The following RAB6A variants were observed in gnomAD, a reference collection of about 807,000 sequenced individuals.
RAB6A encodes the protein RAB6A, member RAS oncogene family.
Under a neutral mutation model 32.3 loss-of-function variants are expected in RAB6A, and 8 were observed. The observed-to-expected ratio is 0.25, with a 90% CI of 0.15 to 0.45. The LOEUF (loss-of-function observed/expected upper bound fraction) is 0.45, where lower values mean the gene tolerates loss of function less well. RAB6A is among the 20% of genes least tolerant of loss of function. The probability of loss-of-function intolerance (pLI) is 1.00; values close to 1 mark genes in which losing one functional copy is unlikely to be tolerated. For synonymous variants in RAB6A, 73 were observed against 82.1 expected (o/e 0.89, Z 0.60); for missense variants, 104 against 249.4 (o/e 0.42, Z 3.93).
At chr11:73,706,571 C>G (rs975632228) in intron 6 of RAB6A, among the ~76,000 whole-genome samples, 2 of 151,930 alleles carry the variant, frequency 1.3e-5, no homozygotes, top group Admixed American at 6.6e-5. Flanking sequence ...CACTACCCTA[C>G]ATGATATACA....
intron 4 of RAB6A, among the ~76,000 whole-genome samples, chr11:73,718,358 CT>C (rs1946083167): frequency 6.6e-6 from 1 of 152,114 alleles, no homozygotes; most frequent in South Asian, 2.1e-4. Context: ...TAACAGGATA[CT>C]AAGAAACCCT....
chr11:73,711,532 G>A (rs1187726938), intron 5 of RAB6A, among the ~76,000 whole-genome samples: 2 of 152,170 alleles, frequency 1.3e-5, no homozygotes, highest in Non-Finnish European at 2.9e-5. Flanking sequence ...GTTGTTTACA[G>A]TCTTTAGATA....
At chr11:73,759,939 C>A in intron 1 of RAB6A, 1 of 1,015,090 alleles carries the variant, frequency 9.9e-7, no homozygotes, top group South Asian at 1.4e-5. Context: ...TCACCCCCAA[C>A]CACCCCATGC....
chr11:73,716,298 A>G lies in RAB6A; in HGVS notation c.354T>C (p.Asp118=), dbSNP rs929499001. 21 of 1,613,478 alleles carry G rather than the reference A, an allele frequency of 1.3e-5. No homozygotes were observed. The Admixed American group carries it at 2.8e-4, about 22-fold the overall frequency. Residue 118 remains aspartate (D), a synonymous_variant, in exon 5 of 8, where the codon GAT becomes GAC. Transcript: ENST00000336083. ...TATTTCCTACTAGCATGATGATAAC[A>G]TCACTTCCTCTTTCTGTTCTGACAT... ...IDDVRTERGS[D]VIIMLVGNKT... is the part of the protein sequence containing the mutation.
rs144360729 is a variant in RAB6A at position 73,721,753 on chromosome 11, ATACT to A, written c.130-858_130-855del. Among the ~76,000 whole-genome samples, 812 of 152,308 alleles carry A rather than the reference ATACT, an allele frequency of 5.3e-3. 7 individuals carry two copies. The highest frequency in any genetic ancestry group is 0.018 in the African/African-American group (740 of 41,564). On this transcript the variant is annotated intron_variant, in intron 2 of 7. Coordinates refer to ENST00000336083, the MANE Select transcript of RAB6A (RefSeq NM_198896.2). The stretch of plus-strand genomic sequence containing the variant: ...TATGTATATATGTGCGTGTACATAC[ATACT>A]TTTTCCCTAAATATCTTTGTGCCAT...
At chr11:73,679,831 C>G in intron 6 of RAB6A, 111 bp from the exon 7 acceptor site, 3 of 1,410,540 alleles carry the variant, frequency 2.1e-6, no homozygotes, top group Non-Finnish European at 3.0e-6. Context: ...GTGGCTCACA[C>G]CTGTAATCCC....
intron 1 of RAB6A, among the ~76,000 whole-genome samples, chr11:73,739,282 A>ATAT (rs1289309364): frequency 2.6e-4 from 4 of 15,346 alleles, no homozygotes; most frequent in African/African-American, 4.1e-4. Context: ...AAAAAAAAAA[A>ATAT]AAATATATAT....
At chr11:73,718,853 C>T in intron 3 of RAB6A, 135 bp from the exon 4 acceptor site, 2 of 1,611,318 alleles carry the variant, frequency 1.2e-6, no homozygotes, top group Non-Finnish European at 1.7e-6. Flanking sequence ...GCTACGGAAA[C>T]GTTCCTGACC....
chr11:73,733,074 G>T (rs2134977296), intron 1 of RAB6A, among the ~76,000 whole-genome samples: 1 of 152,206 alleles, frequency 6.6e-6, no homozygotes, highest in South Asian at 2.1e-4. Context: ...ACCTCCCAAA[G>T]TGCTGGGATT....
At chr11:73,696,441 G>A (rs999434917) in intron 6 of RAB6A, among the ~76,000 whole-genome samples, 7 of 152,018 alleles carry the variant, frequency 4.6e-5, no homozygotes, top group East Asian at 3.9e-4. Flanking sequence ...TGATCCTCCC[G>A]CCTCAGCCTC....
chr11:73,740,786 G>A (rs991694468), intron 1 of RAB6A, among the ~76,000 whole-genome samples: 1 of 151,828 alleles, frequency 6.6e-6, no homozygotes, highest in South Asian at 2.1e-4. Flanking sequence ...ACTCGGGGGG[G>A]CTGAGGCAGG....
At chr11:73,699,930 T>C (rs1336018864) in intron 6 of RAB6A, among the ~76,000 whole-genome samples, 2 of 152,158 alleles carry the variant, frequency 1.3e-5, no homozygotes, top group Non-Finnish European at 2.9e-5. Flanking sequence ...AAAATAATTT[T>C]CCCATACATA....
At chr11:73,730,541 G>C (rs1946287173) in intron 2 of RAB6A, 1 of 465,492 alleles carries the variant, frequency 2.1e-6, no homozygotes, top group Non-Finnish European at 3.8e-6. Context: ...GATGATATTG[G>C]AGATATATTT....
intron 6 of RAB6A, among the ~76,000 whole-genome samples, chr11:73,693,291 AAAAT>A (rs3046617): frequency 0.035 from 5,335 of 151,004 alleles, 124 homozygotes; most frequent in Middle Eastern, 0.065. Context: ...CCGTCTCCAA[AAAAT>A]AAATAAATAA....
At chr11:73,711,929 G>A (rs753646022) in intron 5 of RAB6A, among the ~76,000 whole-genome samples, 3 of 151,960 alleles carry the variant, frequency 2.0e-5, no homozygotes, top group African/African-American at 4.8e-5. Flanking sequence ...TCCATGAACC[G>A]TTCATATTTC....
At chr11:73,737,900 G>C (rs1178950451) in intron 1 of RAB6A, among the ~76,000 whole-genome samples, 2 of 150,706 alleles carry the variant, frequency 1.3e-5, no homozygotes, top group Non-Finnish European at 2.9e-5. Flanking sequence ...GGGAGGCTGA[G>C]GCAAAGAATT....
At chr11:73,705,849 C>G (rs1362321136) in intron 6 of RAB6A, among the ~76,000 whole-genome samples, 1 of 150,270 alleles carries the variant, frequency 6.7e-6, no homozygotes, top group Non-Finnish European at 1.5e-5. Flanking sequence ...TTGCTGAGAT[C>G]AGGTCGGTGA....
At chr11:73,707,289 C>T in intron 6 of RAB6A, 131 bp downstream of exon 6, 1 of 602,134 alleles carries the variant, frequency 1.7e-6, no homozygotes, top group Non-Finnish European at 2.9e-6. Flanking sequence ...ATATTTTTCA[C>T]TGTTTGAAAA....
At chr11:73,732,882 G>A (rs978498591) in intron 1 of RAB6A, among the ~76,000 whole-genome samples, 1 of 151,290 alleles carries the variant, frequency 6.6e-6, no homozygotes. Flanking sequence ...ACGCGATCTC[G>A]GCTCACTGCA....
Sources: allele counts gnomAD v4.1 joint callset (sites outside exome capture counted in the v4.1 genomes callset), GRCh38; gene constraint gnomAD v4.1.1; transcripts MANE v1.5; gene names NCBI Gene and HGNC (gene_info 2026-07-23, HGNC 2026-07-21).